SGCZ: variants seen among roughly 807,000 people sequenced by gnomAD.
The protein encoded by SGCZ is zeta-sarcoglycan.
Under a neutral mutation model 41.3 loss-of-function variants are expected in SGCZ, and 40 were observed. The observed-to-expected ratio is 0.97, with a 90% confidence interval of 0.75 to 1.26. The LOEUF (loss-of-function observed/expected upper bound fraction) is 1.26. Among genes scored for constraint, SGCZ ranks in the 50% most tolerant of loss-of-function variants. SGCZ has a pLI of 0.00. For synonymous variants in SGCZ, 206 were observed against 137.5 expected (o/e 1.50, Z -3.49); for missense variants, 552 against 369.8 (o/e 1.49, Z -4.04).
chr8:14,984,153 T>C (rs1312316835), intron 1 of SGCZ, among the ~76,000 whole-genome samples: 4 of 152,134 alleles, frequency 2.6e-5, no homozygotes, highest in East Asian at 1.9e-4. Context: ...TGGACCCACA[T>C]GTACAATTAT....
chr8:14,236,045 A>C (rs1163145303), intron 4 of SGCZ, among the ~76,000 whole-genome samples: 1 of 152,200 alleles, frequency 6.6e-6, no homozygotes, highest in African/African-American at 2.4e-5. Flanking sequence ...TGAATGCAAA[A>C]GGCAGTTCTA....
intron 1 of SGCZ, among the ~76,000 whole-genome samples, chr8:14,916,469 G>C (rs772930344): frequency 1.5e-4 from 23 of 152,148 alleles, no homozygotes; most frequent in Non-Finnish European, 3.1e-4. Context: ...ATGATAATGT[G>C]GTAGCTGTTT....
At chr8:15,048,134 G>A (rs1227712550) in intron 1 of SGCZ, among the ~76,000 whole-genome samples, 2 of 151,904 alleles carry the variant, frequency 1.3e-5, no homozygotes, top group Non-Finnish European at 2.9e-5. Flanking sequence ...TAAAAATAAT[G>A]AAACAACTTC....
intron 1 of SGCZ, among the ~76,000 whole-genome samples, chr8:15,177,115 T>A (rs563513832): frequency 9.8e-4 from 150 of 152,360 alleles, no homozygotes; most frequent in Non-Finnish European, 1.9e-3. Flanking sequence ...TATTTTCCTT[T>A]CCAGGGAGAG....
At chr8:14,441,736 T>C (rs1257594729) in intron 2 of SGCZ, among the ~76,000 whole-genome samples, 3 of 152,216 alleles carry the variant, frequency 2.0e-5, no homozygotes. Flanking sequence ...GTGCTCTTCT[T>C]ACTTCTCTCC....
chr8:14,806,951 C>G (rs1801554518), intron 1 of SGCZ, among the ~76,000 whole-genome samples: 2 of 151,718 alleles, frequency 1.3e-5, no homozygotes, highest in South Asian at 4.2e-4. Context: ...AAATGTAATC[C>G]AGCATATAAA....
chr8:14,108,268 A>T, intron 5 of SGCZ, 33 bp from the exon 6 acceptor site: 1 of 1,597,018 alleles, frequency 6.3e-7, no homozygotes, highest in Non-Finnish European at 8.6e-7. Flanking sequence ...AGTCAGTATA[A>T]GCAAGTCCAC....
intron 1 of SGCZ, among the ~76,000 whole-genome samples, chr8:15,165,748 GTATTTTGAGT>G (rs201767469): frequency 6.6e-6 from 1 of 152,212 alleles, no homozygotes; most frequent in East Asian, 1.9e-4. Context: ...TAGGGTTAAA[GTATTTTGAGT>G]TAGGAAAAAG....
At chr8:15,001,047 A>G (rs1449586086) in intron 1 of SGCZ, among the ~76,000 whole-genome samples, 1 of 152,242 alleles carries the variant, frequency 6.6e-6, no homozygotes, top group Non-Finnish European at 1.5e-5. Context: ...CAAAAGGGAC[A>G]ACAACGGCTG....
intron 1 of SGCZ, among the ~76,000 whole-genome samples, chr8:14,582,113 T>C (rs1804910004): frequency 6.6e-6 from 1 of 152,166 alleles, no homozygotes; most frequent in Non-Finnish European, 1.5e-5. Context: ...ATATTTTCTC[T>C]TTCTTGTAAT....
chr8:14,331,411 C>T (rs1802316313), intron 2 of SGCZ, among the ~76,000 whole-genome samples: 1 of 151,786 alleles, frequency 6.6e-6, no homozygotes, highest in Non-Finnish European at 1.5e-5. Context: ...GCTGTTTTTC[C>T]CCAAGCATAA....
At chr8:14,923,043 T>G (rs147307972) in intron 1 of SGCZ, among the ~76,000 whole-genome samples, 32 of 152,336 alleles carry the variant, frequency 2.1e-4, no homozygotes, top group African/African-American at 7.5e-4. Context: ...ATATTTGAAT[T>G]TTTTTAAAGG....
intron 1 of SGCZ, among the ~76,000 whole-genome samples, chr8:14,641,271 A>G (rs1002920710): frequency 6.6e-6 from 1 of 151,738 alleles, no homozygotes; most frequent in South Asian, 2.1e-4. Context: ...ACACATACAC[A>G]TATATGTACA....
At chr8:14,432,107 C>A (rs555355788) in intron 2 of SGCZ, among the ~76,000 whole-genome samples, 2 of 152,212 alleles carry the variant, frequency 1.3e-5, no homozygotes, top group East Asian at 1.9e-4. Flanking sequence ...ATAACCACTA[C>A]GGAAAACACT....
chr8:15,052,540 C>T (rs954577686), intron 1 of SGCZ, among the ~76,000 whole-genome samples: 16 of 152,154 alleles, frequency 1.1e-4, no homozygotes, highest in Admixed American at 3.9e-4. Flanking sequence ...TTCGTTCTAA[C>T]GCTCCTTCCT....
intron 2 of SGCZ, among the ~76,000 whole-genome samples, chr8:14,537,697 G>C (rs558074305): frequency 5.3e-5 from 8 of 151,584 alleles, no homozygotes; most frequent in Non-Finnish European, 1.2e-4. Flanking sequence ...CTAATAATAT[G>C]AGCTTTATCA....
intron 3 of SGCZ, among the ~76,000 whole-genome samples, chr8:14,272,471 T>G (rs1216600623): frequency 6.6e-6 from 1 of 152,216 alleles, no homozygotes; most frequent in African/African-American, 2.4e-5. Flanking sequence ...CTGGTAGCAC[T>G]TGGAAATTTT....
At chr8:14,422,566 T>C (rs993786972) in intron 2 of SGCZ, among the ~76,000 whole-genome samples, 2 of 152,214 alleles carry the variant, frequency 1.3e-5, no homozygotes, top group African/African-American at 4.8e-5. Flanking sequence ...CTCACATTTA[T>C]GTGGAGCGAC....
intron 2 of SGCZ, among the ~76,000 whole-genome samples, chr8:14,400,328 C>G (rs1221150759): frequency 5.3e-5 from 8 of 152,040 alleles, no homozygotes; most frequent in African/African-American, 1.9e-4. Flanking sequence ...CATGCATGAA[C>G]AAGATTTTGT....
Sources: allele counts gnomAD v4.1 joint callset (sites outside exome capture counted in the v4.1 genomes callset), GRCh38; gene constraint gnomAD v4.1.1; transcripts MANE v1.5; gene names NCBI Gene and HGNC (gene_info 2026-07-23, HGNC 2026-07-21).